CCT3: variants seen among roughly 807,000 people sequenced by gnomAD.
CCT3 encodes T-complex protein 1 subunit gamma.
In CCT3, 10 loss-of-function variants were observed where a neutral mutation model predicts 65.3. That is an observed-to-expected ratio of 0.15 (90% CI 0.09 to 0.26). The LOEUF (loss-of-function observed/expected upper bound fraction) is 0.26, where lower values mean the gene tolerates loss of function less well. Ranked by LOEUF, CCT3 falls within the 10% of genes least tolerant of loss-of-function variation. The probability of loss-of-function intolerance (pLI) is 1.00; values close to 1 mark genes in which losing one functional copy is unlikely to be tolerated. For synonymous variants in CCT3, 225 were observed against 242.3 expected (o/e 0.93, Z 0.66); for missense variants, 626 against 708.7 (o/e 0.88, Z 1.33).
intron 10 of CCT3, 72 bp downstream of exon 10, chr1:156,317,094 T>C: frequency 5.5e-6 from 7 of 1,278,154 alleles, no homozygotes; most frequent in Middle Eastern, 1.9e-4. Flanking sequence ...TTTCAGGTAA[T>C]GATGACTGTT....
At chr1:156,337,036 CT>C in intron 1 of CCT3, 1 of 1,268,020 alleles carries the variant, frequency 7.9e-7, no homozygotes, top group Non-Finnish European at 1.0e-6. Context: ...TAGCCAGGCT[CT>C]GCAGATGAGG....
At chr1:156,328,859 T>C (rs1252168369) in intron 5 of CCT3, among the ~76,000 whole-genome samples, 1 of 136,188 alleles carries the variant, frequency 7.3e-6, no homozygotes, top group Non-Finnish European at 1.6e-5. Flanking sequence ...TCAATAAAAA[T>C]AAAAATAAAA....
At chr1:156,333,340 A>T in intron 5 of CCT3, 1 of 525,832 alleles carries the variant, frequency 1.9e-6, no homozygotes, top group South Asian at 2.2e-5. Flanking sequence ...AATAAAGAGA[A>T]TTAACTATTA....
chr1:156,332,032 C>CAA (rs748216015), intron 5 of CCT3, among the ~76,000 whole-genome samples: 1 of 102,106 alleles, frequency 9.8e-6, no homozygotes, highest in East Asian at 3.0e-4. Flanking sequence ...GACTCCATCT[C>CAA]AAAAAAAAAA....
rs1227415940 is a variant in CCT3 at position 156,334,913 on chromosome 1, A to G, written c.99T>C (p.Ile33=). ...QSGNINAAKT[I]ADIIRTCLGP... ...CCAAACATGTTCGGATGATATCTGC[A>G]ATAGTCTAATGGAAAGGGAACATAA... The change falls in exon 3 of 14, where the codon ATT becomes ATC. Residue 33 remains isoleucine (I), a synonymous_variant. Transcript: ENST00000295688. The G allele has an allele frequency of 2.5e-6, 4 of 1,613,924 alleles. No individual in the cohort carries two copies. The highest frequency in any genetic ancestry group is 3.4e-6 in the Non-Finnish European group (4 of 1,179,880).
At chr1:156,331,791 T>C (rs1341222544) in intron 5 of CCT3, among the ~76,000 whole-genome samples, 1 of 152,076 alleles carries the variant, frequency 6.6e-6, no homozygotes, top group Non-Finnish European at 1.5e-5. Context: ...CCCAGCACTT[T>C]GGGAGGCAGA....
Sources: gnomAD v4.1 joint callset for allele counts (sites outside exome capture counted in the v4.1 genomes callset) on GRCh38, gnomAD v4.1.1 for gene constraint, MANE v1.5 for transcripts, NCBI Gene and HGNC (gene_info 2026-07-23, HGNC 2026-07-21) for gene names.